FAM107B: variants seen among roughly 807,000 people sequenced by gnomAD.
FAM107B encodes the protein family with sequence similarity 107 member B, also known as protein FAM107B.
A neutral mutation model predicts 31.5 loss-of-function variants in FAM107B; 21 were observed. The ratio of observed to expected loss-of-function variants is 0.67; its 90% CI spans 0.47 to 0.96. The LOEUF (loss-of-function observed/expected upper bound fraction) is 0.96. FAM107B is among the 40% of genes least tolerant of loss of function. The pLI is 0.00. For synonymous variants in FAM107B, 157 were observed against 141.5 expected (o/e 1.11, Z -0.78); for missense variants, 452 against 377.1 (o/e 1.20, Z -1.64).
intron 3 of FAM107B, among the ~76,000 whole-genome samples, chr10:14,524,077 T>G (rs1457158759): frequency 6.6e-6 from 1 of 151,502 alleles, no homozygotes; most frequent in South Asian, 2.1e-4. Context: ...GTTTTCCTCT[T>G]GTTGCCCAGG....
intron 2 of FAM107B, among the ~76,000 whole-genome samples, chr10:14,655,036 C>T (rs929405877): frequency 6.6e-6 from 1 of 152,124 alleles, no homozygotes; most frequent in African/African-American, 2.4e-5. Context: ...GCAGGCTGTA[C>T]AAGCATGGCA....
At chr10:14,619,458 T>C (rs779209555) in intron 2 of FAM107B, among the ~76,000 whole-genome samples, 2 of 152,212 alleles carry the variant, frequency 1.3e-5, no homozygotes, top group Non-Finnish European at 2.9e-5. Context: ...TTTCATGTGC[T>C]ATTTGTCATC....
At chr10:14,531,870 G>A (rs560089638) in intron 2 of FAM107B, among the ~76,000 whole-genome samples, 7 of 152,110 alleles carry the variant, frequency 4.6e-5, no homozygotes, top group African/African-American at 1.2e-4. Context: ...GGAATGAAAC[G>A]TATATATATT....
intron 1 of FAM107B, among the ~76,000 whole-genome samples, chr10:14,750,583 G>T (rs540817473): frequency 7.5e-4 from 114 of 152,294 alleles, no homozygotes; most frequent in Middle Eastern, 6.8e-3. Flanking sequence ...CTGCACTCCA[G>T]CCTGGGCAAC....
chr10:14,629,048 A>C, intron 2 of FAM107B, among the ~76,000 whole-genome samples: 1 of 150,718 alleles, frequency 6.6e-6, no homozygotes, highest in East Asian at 1.9e-4. Flanking sequence ...GTCTCAGGAA[A>C]GTTGTGGTAT....
At chr10:14,574,527 T>C (rs1851404376) in intron 2 of FAM107B, among the ~76,000 whole-genome samples, 1 of 152,152 alleles carries the variant, frequency 6.6e-6, no homozygotes, top group Non-Finnish European at 1.5e-5. Context: ...ATGTGGCTGA[T>C]CACAACTGTC....
chr10:14,645,602 AAG>A (rs1853732860), intron 2 of FAM107B, among the ~76,000 whole-genome samples: 1 of 152,194 alleles, frequency 6.6e-6, no homozygotes, highest in Non-Finnish European at 1.5e-5. Context: ...GTGGCTGTTA[AAG>A]AGAGAACCTC....
chr10:14,603,197 A>G (rs1309209690), intron 2 of FAM107B, among the ~76,000 whole-genome samples: 3 of 152,224 alleles, frequency 2.0e-5, no homozygotes, highest in Non-Finnish European at 4.4e-5. Context: ...CAGCAGCGCT[A>G]AGAAATCTTC....
chr10:14,737,485 G>A lies in FAM107B; in HGVS notation c.411+36768C>T, dbSNP rs182010736. Among the ~76,000 whole-genome samples, 24 of 152,070 alleles carry A rather than the reference G, an allele frequency of 1.6e-4. No individual in the cohort carries two copies. In the East Asian group the frequency reaches 4.6e-3, roughly 29 times the overall value. ...AAAAATGAGCCGGGCGTGGTGACAG[G>A]CACCTGTAACCCTGGCTACTTGGGA... On this transcript the variant is annotated intron_variant, in intron 1 of 4. Transcript: ENST00000181796.
intron 2 of FAM107B, among the ~76,000 whole-genome samples, chr10:14,537,738 G>C (rs907804439): frequency 2.6e-5 from 4 of 151,726 alleles, no homozygotes; most frequent in Non-Finnish European, 4.4e-5. Flanking sequence ...GGGAGGCTGA[G>C]GCAGGAGAAT....
intron 2 of FAM107B, among the ~76,000 whole-genome samples, chr10:14,656,724 TAAAC>T (rs1365685065): frequency 1.3e-5 from 2 of 152,214 alleles, no homozygotes; most frequent in South Asian, 2.1e-4. Flanking sequence ...CATTAAATTT[TAAAC>T]AAACAAATAA....
At chr10:14,763,588 G>T (rs1248594760) in intron 1 of FAM107B, among the ~76,000 whole-genome samples, 1 of 152,178 alleles carries the variant, frequency 6.6e-6, no homozygotes, top group Non-Finnish European at 1.5e-5. Context: ...AGCCAGGTCA[G>T]AAGGGTTCCG....
chr10:14,576,764 G>A (rs879371591), intron 2 of FAM107B, among the ~76,000 whole-genome samples: 2 of 152,232 alleles, frequency 1.3e-5, no homozygotes, highest in Admixed American at 1.3e-4. Context: ...ACTACAAAAT[G>A]AAAGAAGATT....
intron 1 of FAM107B, among the ~76,000 whole-genome samples, chr10:14,689,549 A>G (rs1057283938): frequency 2.0e-5 from 3 of 152,152 alleles, no homozygotes; most frequent in African/African-American, 7.2e-5. Flanking sequence ...AAGTACGAGG[A>G]AGGCTTCTCA....
At chr10:14,589,027 C>T (rs1490694012) in intron 2 of FAM107B, among the ~76,000 whole-genome samples, 3 of 151,586 alleles carry the variant, frequency 2.0e-5, no homozygotes, top group Non-Finnish European at 1.5e-5. Flanking sequence ...ACTAAAAATA[C>T]AAAAATTAGC....
At chr10:14,718,613 G>GTGCA (rs1855837936) in intron 1 of FAM107B, among the ~76,000 whole-genome samples, 1 of 152,152 alleles carries the variant, frequency 6.6e-6, no homozygotes, top group South Asian at 2.1e-4. Context: ...CATGAGTTAG[G>GTGCA]TGAGCAGTAG....
chr10:14,574,810 A>C (rs975819716), intron 2 of FAM107B, among the ~76,000 whole-genome samples: 1 of 152,214 alleles, frequency 6.6e-6, no homozygotes, highest in Non-Finnish European at 1.5e-5. Context: ...ATATGGCCCT[A>C]TAAATTCTGT....
At chr10:14,598,238 T>C (rs538898110) in intron 2 of FAM107B, among the ~76,000 whole-genome samples, 2 of 152,336 alleles carry the variant, frequency 1.3e-5, no homozygotes, top group African/African-American at 4.8e-5. Context: ...AGCCGCGTAA[T>C]TACTGCCAAG....
chr10:14,658,011 C>T (rs1293905818), intron 2 of FAM107B, among the ~76,000 whole-genome samples: 3 of 152,046 alleles, frequency 2.0e-5, no homozygotes, highest in African/African-American at 7.2e-5. Context: ...GGGGTTTTGT[C>T]ATGTTGCTCA....
Sources: gnomAD v4.1 joint callset for allele counts (sites outside exome capture counted in the v4.1 genomes callset) on GRCh38, gnomAD v4.1.1 for gene constraint, MANE v1.5 for transcripts, NCBI Gene and HGNC (gene_info 2026-07-23, HGNC 2026-07-21) for gene names.